The following HERC1 variants were observed in gnomAD, a reference collection of about 807,000 sequenced individuals.
HERC1 encodes HECT and RLD domain containing E3 ubiquitin protein ligase family member 1.
Under a neutral mutation model 554.3 loss-of-function variants are expected in HERC1, and 160 were observed. The observed-to-expected ratio is 0.29, with a 90% CI of 0.25 to 0.33. HERC1 has a LOEUF of 0.33. HERC1 is among the 10% of genes least tolerant of loss of function. HERC1 has a pLI of 1.00. For synonymous variants in HERC1, 2,175 were observed against 2,131.7 expected, an observed-to-expected ratio of 1.02 and a Z score of -0.56; for missense variants, 4,919 against 5,918.5, an observed-to-expected ratio of 0.83 and a Z score of 5.54.
At chr15:63,706,738 TCTCA>T (rs1004905785) in intron 25 of HERC1, 38 bp downstream of exon 25, 6 of 1,065,514 alleles carry the variant, frequency 5.6e-6, no homozygotes, top group African/African-American at 4.8e-5. Context: ...TGAGACAGGG[TCTCA>T]CTAAGATATT....
At chr15:63,698,413 C>T (rs2072545137) in intron 26 of HERC1, among the ~76,000 whole-genome samples, 1 of 136,360 alleles carries the variant, frequency 7.3e-6, no homozygotes. Context: ...AGCGAAACTC[C>T]GTCTCCAAAA....
chr15:63,831,948 ATGACT>A (rs1448805146), intron 1 of HERC1, among the ~76,000 whole-genome samples: 1 of 152,254 alleles, frequency 6.6e-6, no homozygotes, highest in East Asian at 1.9e-4. Context: ...TGCAAACAGC[ATGACT>A]GGAAATTTAA....
Position 63,774,763 on chromosome 15 carries a change from G to C in HERC1, c.861C>G (p.Leu287=). The part of the protein sequence containing the change: ...VVHTMEKGKL[L]SSQEGMISFD... ...AGCTGATCATTCCTTCCTGGCTTGA[G>C]AGTAGTTTGCCTTTCTCCATGGTGT... The change falls in exon 2 of 78, where the codon CTC becomes CTG. Residue 287 remains leucine, a synonymous_variant. Transcript: ENST00000443617. 1 of 1,613,980 alleles carries C rather than the reference G, an allele frequency of 6.2e-7. No individual in the cohort carries two copies. Among genetic ancestry groups the C allele is most frequent in the Non-Finnish European group, 8.5e-7 (1 of 1,179,864 alleles).
Position 63,734,770 on chromosome 15 carries a change from A to T in HERC1, c.2600T>A (p.Leu867His). The change falls in exon 13 of 78, where the codon CTT becomes CAT. Residue 867 changes from leucine (L) to histidine (H), a missense_variant. Coordinates refer to ENST00000443617, the MANE Select transcript of HERC1 (RefSeq NM_003922.4). The surrounding 1 kb of genome is among the most constrained non-coding windows in gnomAD (Gnocchi z 4.6). ...LRERMELLHS[L>H]LPQGPDRWES... ...CCATCTATCAGGTCCTTGAGGTAAA[A>T]GAGAATGAAGTAATTCCATCCGTTC... is the stretch of plus-strand genomic sequence containing the variant. 1 of 1,596,190 alleles carries T rather than the reference A, an allele frequency of 6.3e-7. No homozygotes were observed. The highest frequency in any genetic ancestry group is 8.5e-7 in the Non-Finnish European group (1 of 1,173,768).
chr15:63,781,316 T>C (rs2076283069), intron 1 of HERC1, among the ~76,000 whole-genome samples: 1 of 152,246 alleles, frequency 6.6e-6, no homozygotes, highest in African/African-American at 2.4e-5. Context: ...TGAAGGTTTA[T>C]GACAACCCTC....
chr15:63,691,953 G>C (rs150573235), intron 31 of HERC1, among the ~76,000 whole-genome samples: 47 of 152,310 alleles, frequency 3.1e-4, no homozygotes, highest in East Asian at 5.8e-4. Flanking sequence ...AGACATTTTA[G>C]GGTAAGGACC....
At chr15:63,679,180 A>G (rs2071352589) in intron 36 of HERC1, among the ~76,000 whole-genome samples, 1 of 152,226 alleles carries the variant, frequency 6.6e-6, no homozygotes, top group South Asian at 2.1e-4. Flanking sequence ...GAACCAGAAC[A>G]TGACAGAAAC....
intron 27 of HERC1, among the ~76,000 whole-genome samples, chr15:63,695,570 T>C (rs2072361596): frequency 6.6e-6 from 1 of 151,886 alleles, no homozygotes; most frequent in African/African-American, 2.4e-5. Flanking sequence ...GTATTTTTAG[T>C]AGAGACGGGG....
chr15:63,731,710 A>T (rs2074301338), intron 14 of HERC1, among the ~76,000 whole-genome samples: 1 of 152,154 alleles, frequency 6.6e-6, no homozygotes, highest in African/African-American at 2.4e-5. Context: ...CGTAGACCAG[A>T]CCCTGAAGAG....
intron 41 of HERC1, 34 bp downstream of exon 41, chr15:63,666,322 T>C (rs906182826): frequency 1.3e-6 from 2 of 1,490,958 alleles, no homozygotes; most frequent in African/African-American, 1.4e-5. Context: ...ACTTCTCATA[T>C]CTGTATACAC....
At position 63,609,249 on chromosome 15, in the gene HERC1, A is replaced by G; in HGVS notation, c.14418T>C (p.Pro4806=). Residue 4806 remains proline, a synonymous_variant, in exon 78 of 78, where the codon CCT becomes CCC. Transcript: ENST00000443617. Reference sequence around the variant, plus strand: ...GCTGGAAGAAGCAGGTCTGTGAGGTAGGCAGACTGTCGTAAGGCTGTGGAG... The same window carrying G: ...GCTGGAAGAAGCAGGTCTGTGAGGTGGGCAGACTGTCGTAAGGCTGTGGAG... ...MKVDRPYDSL[P]TSQTCFFQLR... 6.2e-7 allele frequency: 1 copy of G among 1,612,648 alleles called. No homozygotes were observed. Among genetic ancestry groups the G allele is most frequent in the Non-Finnish European group, 8.5e-7 (1 of 1,179,368 alleles).
chr15:63,752,517 C>T (rs2075284623), intron 8 of HERC1: 1 of 153,650 alleles, frequency 6.5e-6, no homozygotes, highest in African/African-American at 2.4e-5. Flanking sequence ...CTAAGCTTGA[C>T]TTCACACTGT....
At chr15:63,689,067 G>A (rs572209072) in intron 33 of HERC1, among the ~76,000 whole-genome samples, 1 of 152,302 alleles carries the variant, frequency 6.6e-6, no homozygotes, top group South Asian at 2.1e-4. Flanking sequence ...ATGAAGGCAA[G>A]GTAAAAGTGG....
chr15:63,653,333 T>C (rs12324419), intron 51 of HERC1, among the ~76,000 whole-genome samples: 26,554 of 151,880 alleles, frequency 0.17, 2,548 homozygotes, highest in Middle Eastern at 0.22. Context: ...ATCCCAGCTA[T>C]GCGGGAGGCT....
intron 17 of HERC1, 65 bp from the exon 18 acceptor site, chr15:63,725,578 A>C: frequency 8.4e-6 from 11 of 1,309,892 alleles, no homozygotes; most frequent in Non-Finnish European, 1.2e-5. Context: ...AATATTTCTC[A>C]TAGTCTCCTA....
At chr15:63,627,111 A>G (rs2068333532) in intron 70 of HERC1, among the ~76,000 whole-genome samples, 1 of 152,146 alleles carries the variant, frequency 6.6e-6, no homozygotes, top group Admixed American at 6.5e-5. Flanking sequence ...AGTACCTGAA[A>G]TTGTCAGTGC....
chr15:63,801,840 C>G (rs184683127), intron 1 of HERC1, among the ~76,000 whole-genome samples: 9 of 152,288 alleles, frequency 5.9e-5, no homozygotes, highest in African/African-American at 2.2e-4. Flanking sequence ...TGGATCCCAG[C>G]AACTCCCAAG....
Position 63,734,924 on chromosome 15 carries a change from C to A in HERC1, c.2521-75G>T. 3.2e-6 allele frequency: 4 copies of A among 1,258,992 alleles called. No individual in the cohort carries two copies. The highest frequency in any genetic ancestry group is 4.5e-6 in the Non-Finnish European group (4 of 898,184). The allele number at this position is 1,258,992 out of a possible 1,614,324, so 78.0% of individuals were successfully genotyped here. A position where few individuals can be genotyped will look rare whatever the true frequency, so the allele number is the denominator to read the frequency against. On this transcript the variant is annotated intron_variant, in intron 12 of 77. Coordinates refer to ENST00000443617, the MANE Select transcript of HERC1 (RefSeq NM_003922.4). This position sits in a 1 kb window ranked among gnomAD's most constrained non-coding sequence, Gnocchi z 4.6. ...AATAAAAACACACTTAAAGCGAACT[C>A]ACTGACTACTAGGATCATGTAAGTC...
At chr15:63,683,041 C>G (rs115728354) in intron 34 of HERC1, among the ~76,000 whole-genome samples, 2,540 of 146,350 alleles carry the variant, frequency 0.017, 71 homozygotes, top group African/African-American at 0.061. Flanking sequence ...GAGGCTGAGG[C>G]GGGAGAATCC....
Sources: gnomAD v4.1 joint callset for allele counts (sites outside exome capture counted in the v4.1 genomes callset) on GRCh38, gnomAD v4.1.1 for gene constraint, Gnocchi (gnomAD v3.1) non-coding constraint, MANE v1.5 for transcripts, NCBI Gene and HGNC (gene_info 2026-07-23, HGNC 2026-07-21) for gene names.